Variants in ANKRD13D observed in about 807,000 individuals in gnomAD.
The protein encoded by ANKRD13D is ankyrin repeat domain 13D.
ANKRD13D carries 24 observed loss-of-function variants against 68.8 expected under a neutral mutation model. The observed-to-expected ratio is 0.35, with a 90% CI of 0.25 to 0.49. The LOEUF (loss-of-function observed/expected upper bound fraction) is 0.49, where lower values mean the gene tolerates loss of function less well. ANKRD13D is among the 20% of genes least tolerant of loss of function. The pLI, the probability that ANKRD13D is intolerant of heterozygous loss-of-function variation, is 0.99. For missense variants in ANKRD13D, 735 were observed against 832.1 expected (o/e 0.88, Z 1.44); for synonymous variants, 331 against 336.1 (o/e 0.98, Z 0.16).
In ANKRD13D at chr11:67,302,359, G is replaced by A. The variant is rs1444638146; in HGVS notation, c.*27G>A. 3.4e-6 allele frequency: 5 copies of A among 1,460,298 alleles called. No individual in the cohort carries two copies. The highest frequency in any genetic ancestry group is 2.7e-5 in the Admixed American group (1 of 37,024). The allele number at this position is 1,460,298 out of a possible 1,614,324, so 90.5% of individuals were successfully genotyped here. ...CCATAGCCCCGGGAGGGCTGGCCAG[G>A]CCACTCCCTGCCCGCTTTTGTAATT... On this transcript the variant is annotated 3_prime_UTR_variant, in exon 15 of 15. Coordinates refer to ENST00000511455, the MANE Select transcript of ANKRD13D (RefSeq NM_207354.3).
At position 67,299,387 on chromosome 11, in the gene ANKRD13D, G is replaced by A. The variant is rs1860885173; in HGVS notation, c.799-143G>A. 2.6e-6 allele frequency: 2 copies of A among 781,032 alleles called. No individual in the cohort carries two copies. Among genetic ancestry groups the A allele is most frequent in the Non-Finnish European group, 4.2e-6 (2 of 480,456 alleles). The allele number at this position is 781,032 out of a possible 1,614,324, so 48.4% of individuals were successfully genotyped here. A position where few individuals can be genotyped will look rare whatever the true frequency, so the allele number is the denominator to read the frequency against. On this transcript the variant is annotated intron_variant, in intron 7 of 14. Coordinates refer to ENST00000511455, the MANE Select transcript of ANKRD13D (RefSeq NM_207354.3). This position sits in a 1 kb window ranked among gnomAD's most constrained non-coding sequence, Gnocchi z 6.2. ...ATCTCCTCGTTGGTGACTTCCTGGG[G>A]TTCAGACCCTGCCACCTCCTCCATT...
chr11:67,298,731 T>C lies in ANKRD13D; in HGVS notation c.732-327T>C, dbSNP rs74475892. ...TTTTAAAAATGTTTCCTAGAGTGTG[T>C]CAAAGCTCATCCCAGATGTCCTAAT... On this transcript the variant is annotated intron_variant, in intron 6 of 14. Coordinates refer to ENST00000511455, the MANE Select transcript of ANKRD13D (RefSeq NM_207354.3). The C allele has an allele frequency of 2.7e-3, 880 of 328,178 alleles. 3 individuals are homozygous for C. The highest frequency in any genetic ancestry group is 0.017 in the African/African-American group (840 of 48,798). The allele number at this position is 328,178 out of a possible 1,614,324, so 20.3% of individuals were successfully genotyped here.
intron 6 of ANKRD13D, chr11:67,297,864 C>CA (rs1213065113): frequency 6.6e-6 from 1 of 151,864 alleles, no homozygotes; most frequent in African/African-American, 2.4e-5. Context: ...CTGTTTATCT[C>CA]AGAGTATTTT....
Position 67,300,791 on chromosome 11 carries a change from G to T in ANKRD13D, c.1074-199G>T. On this transcript the variant is annotated intron_variant, in intron 10 of 14. Transcript: ENST00000511455. The surrounding 1 kb of genome is among the most constrained non-coding windows in gnomAD (Gnocchi z 4.3). Reference sequence around the variant, plus strand: ...GAAATCCTCAGGAGCCCCAGCCTGGGCCCAGGGAGGAGGGCAGCTTGGGCC... The same window carrying T: ...GAAATCCTCAGGAGCCCCAGCCTGGTCCCAGGGAGGAGGGCAGCTTGGGCC... 1 of 635,098 alleles carries T rather than the reference G, an allele frequency of 1.6e-6. No individual in the cohort carries two copies. Among genetic ancestry groups the T allele is most frequent in the Non-Finnish European group, 2.7e-6 (1 of 372,422 alleles). The allele number at this position is 635,098 out of a possible 1,614,324, so 39.3% of individuals were successfully genotyped here. A position where few individuals can be genotyped will look rare whatever the true frequency, so the allele number is the denominator to read the frequency against.
In ANKRD13D at chr11:67,299,153, G is replaced by T. The variant is rs1565080880; in HGVS notation, c.798+29G>T. On this transcript the variant is annotated intron_variant, in intron 7 of 14. Coordinates refer to ENST00000511455, the MANE Select transcript of ANKRD13D (RefSeq NM_207354.3). The surrounding 1 kb of genome is among the most constrained non-coding windows in gnomAD (Gnocchi z 6.2). ...GGAGAGGCTAGGGGTGGGGGGCTGG[G>T]GGTAGGAGATGAGGTCCAGGAACTC... 6.3e-7 allele frequency: 1 copy of T among 1,583,554 alleles called. No individual in the cohort carries two copies. The highest frequency in any genetic ancestry group is 1.1e-5 in the South Asian group (1 of 90,474).
chr11:67,292,823 C>T (rs570728458), intron 6 of ANKRD13D, among the ~76,000 whole-genome samples: 2 of 152,206 alleles, frequency 1.3e-5, no homozygotes, highest in African/African-American at 4.8e-5. Flanking sequence ...CTTCTTATCC[C>T]CTCTCCCAGT....
At position 67,299,683 on chromosome 11, in the gene ANKRD13D, G is replaced by T; in HGVS notation, c.880+72G>T. The T allele has an allele frequency of 1.3e-6, 2 of 1,534,900 alleles. No individual in the cohort carries two copies. The highest frequency in any genetic ancestry group is 1.8e-6 in the Non-Finnish European group (2 of 1,135,158). On this transcript the variant is annotated intron_variant, in intron 8 of 14. Coordinates refer to ENST00000511455, the MANE Select transcript of ANKRD13D (RefSeq NM_207354.3). The surrounding 1 kb of genome is among the most constrained non-coding windows in gnomAD (Gnocchi z 6.2). ...GGGTCACCCTGGCCTGGGATTAGGG[G>T]CCAGAGTTTCCCAGGATGAGCTGGG...
At chr11:67,290,488 G>C in intron 3 of ANKRD13D, 42 bp downstream of exon 3, 1 of 1,529,608 alleles carries the variant, frequency 6.5e-7, no homozygotes, top group Non-Finnish European at 8.8e-7. Context: ...ACCATGGCAG[G>C]GCACCACCCT....
chr11:67,290,183 G>C lies in ANKRD13D; in HGVS notation c.196G>C (p.Val66Leu), dbSNP rs954271794. The change falls in exon 2 of 15, where the codon GTG (valine) becomes CTG (leucine). Residue 66 changes from valine to leucine, a missense_variant. Val to Leu is a conservative substitution (Grantham distance 32, BLOSUM62 1). Coordinates refer to ENST00000511455, the MANE Select transcript of ANKRD13D (RefSeq NM_207354.3). ...AGTGCTCCTTCGACACAATGCCAAC[G>C]TGGGCAAAGAGAACCGCCAGGGCTG... ...VRVLLRHNAN[V>L]GKENRQGWAV... is the part of the protein sequence containing the mutation. 2.6e-6 allele frequency: 4 copies of C among 1,537,712 alleles called. No individual in the cohort carries two copies. The highest frequency in any genetic ancestry group is 3.3e-4 in the Middle Eastern group (2 of 5,992).
intron 1 of ANKRD13D, 66 bp downstream of exon 1, chr11:67,289,616 C>A: frequency 7.8e-7 from 1 of 1,286,920 alleles, no homozygotes; most frequent in South Asian, 1.4e-5. Context: ...GGCCTCCGTC[C>A]TGGAGCCCCC....
At position 67,302,453 on chromosome 11, in the gene ANKRD13D, A is replaced by G; in HGVS notation, c.*121A>G. Reference sequence around the variant, plus strand: ...CCCCAGGAATGAGCAGGCAGGGGAGACTGAGATGGAAATAAAGAGACTGTC... The same window carrying G: ...CCCCAGGAATGAGCAGGCAGGGGAGGCTGAGATGGAAATAAAGAGACTGTC... On this transcript the variant is annotated 3_prime_UTR_variant, in exon 15 of 15. Coordinates refer to ENST00000511455, the MANE Select transcript of ANKRD13D (RefSeq NM_207354.3). The G allele has an allele frequency of 1.5e-6, 2 of 1,358,752 alleles. No individual in the cohort carries two copies. The highest frequency in any genetic ancestry group is 2.6e-5 in the East Asian group (1 of 38,902). The allele number at this position is 1,358,752 out of a possible 1,614,324, so 84.2% of individuals were successfully genotyped here. A position where few individuals can be genotyped will look rare whatever the true frequency, so the allele number is the denominator to read the frequency against.
chr11:67,289,323 T>TGCCGCCGCC lies in ANKRD13D; in HGVS notation c.-123_-115dup, dbSNP rs549149064. ...GCCCCGCCCTCCCTGCCGCCCGCGC[T>TGCCGCCGCC]GCCGCCGCCGCCGCCGCCGCCGCTA... On this transcript the variant is annotated 5_prime_UTR_variant, in exon 1 of 15. Coordinates refer to ENST00000511455, the MANE Select transcript of ANKRD13D (RefSeq NM_207354.3). 249 of 378,180 alleles carry TGCCGCCGCC rather than the reference T, an allele frequency of 6.6e-4. No individual in the cohort carries two copies. Among genetic ancestry groups the TGCCGCCGCC allele is most frequent in the African/African-American group, 4.7e-3 (212 of 44,640 alleles). 23.4% of individuals were successfully genotyped at this position (378,180 alleles called of 1,614,324 possible).
Position 67,300,423 on chromosome 11 carries a change from A to G in ANKRD13D, c.1073+300A>G, listed in dbSNP as rs1860934278. 2.5e-6 allele frequency: 1 copy of G among 401,336 alleles called. No individual in the cohort carries two copies. Among genetic ancestry groups the G allele is most frequent in the Non-Finnish European group, 4.6e-6 (1 of 219,008 alleles). The allele number at this position is 401,336 out of a possible 1,614,324, so 24.9% of individuals were successfully genotyped here. A position where few individuals can be genotyped will look rare whatever the true frequency, so the allele number is the denominator to read the frequency against. On this transcript the variant is annotated intron_variant, in intron 10 of 14. Coordinates refer to ENST00000511455, the MANE Select transcript of ANKRD13D (RefSeq NM_207354.3). This position sits in a 1 kb window ranked among gnomAD's most constrained non-coding sequence, Gnocchi z 4.3. ...GGCACAGTGGGAAGGGCCCCCAGCG[A>G]CGTGGCCTGGGAGTGGAGCGTCTGC...
Position 67,301,787 on chromosome 11 carries a change from A to G in ANKRD13D, c.1568A>G (p.Gln523Arg), listed in dbSNP as rs1195515619. The G allele has an allele frequency of 6.2e-7, 1 of 1,608,234 alleles. No homozygotes were observed. The highest frequency in any genetic ancestry group is 8.5e-7 in the Non-Finnish European group (1 of 1,178,132). The change falls in exon 14 of 15, where the codon CAG becomes CGG. Residue 523 changes from glutamine (Q) to arginine (R), a missense_variant. Transcript: ENST00000511455. This position sits in a 1 kb window ranked among gnomAD's most constrained non-coding sequence, Gnocchi z 4.5. Reference sequence around the variant, plus strand: ...CGGCCCGGTGCCCGCCCTCCTCCCCAGGCCACGGTTTATGAGGAACAGCTT... The same window carrying G: ...CGGCCCGGTGCCCGCCCTCCTCCCCGGGCCACGGTTTATGAGGAACAGCTT... ...NTRPGARPPP[Q>R]ATVYEEQLQL...
At chr11:67,294,614 C>G (rs959938232) in intron 6 of ANKRD13D, among the ~76,000 whole-genome samples, 15 of 151,528 alleles carry the variant, frequency 9.9e-5, no homozygotes, top group Admixed American at 9.9e-4. Flanking sequence ...AATCTAGGCT[C>G]ACTGCAACCT....
Position 67,300,770 on chromosome 11 carries a change from T to A in ANKRD13D, c.1074-220T>A. On this transcript the variant is annotated intron_variant, in intron 10 of 14. Transcript: ENST00000511455. This position sits in a 1 kb window ranked among gnomAD's most constrained non-coding sequence, Gnocchi z 4.3. ...CCAGACCAGATGAGCTGGTACGAAA[T>A]CCTCAGGAGCCCCAGCCTGGGCCCA... 1.7e-6 allele frequency: 1 copy of A among 598,828 alleles called. No homozygotes were observed. The highest frequency in any genetic ancestry group is 2.9e-6 in the Non-Finnish European group (1 of 342,680). 37.1% of individuals were successfully genotyped at this position (598,828 alleles called of 1,614,324 possible).
Position 67,292,433 on chromosome 11 carries a change from T to C in ANKRD13D, c.731+253T>C, listed in dbSNP as rs192769717. Reference sequence around the variant, plus strand: ...CAGTTTCTTGACTTCTGACCTCATATGTTTTCCCATTAAGACAAAGATTTA... The same window carrying C: ...CAGTTTCTTGACTTCTGACCTCATACGTTTTCCCATTAAGACAAAGATTTA... On this transcript the variant is annotated intron_variant, in intron 6 of 14. Transcript: ENST00000511455. Among the ~76,000 whole-genome samples, 9 of 152,264 alleles carry C rather than the reference T, an allele frequency of 5.9e-5. No individual in the cohort carries two copies. In the East Asian group the frequency reaches 1.7e-3, roughly 29 times the overall value.
rs370874560 is a variant in ANKRD13D at position 67,291,654 on chromosome 11, G to A, written c.449G>A (p.Arg150Gln). 1.3e-5 allele frequency: 21 copies of A among 1,613,978 alleles called. No homozygotes were observed. Among genetic ancestry groups the A allele is most frequent in the African/African-American group, 5.3e-5 (4 of 74,922 alleles). Reference protein sequence around the residue: ...CPSDVYRVWKRGESLRVDTSL... With the variant: ...CPSDVYRVWKQGESLRVDTSL... The stretch of plus-strand genomic sequence containing the variant: ...AGCGATGTGTACCGCGTGTGGAAGC[G>A]GGGTGAGAGCCTGCGAGTAGACACC... Residue 150 changes from arginine to glutamine, a missense_variant, in exon 5 of 15, where the codon CGG becomes CAG. Transcript: ENST00000511455.
rs142470779 is a variant in ANKRD13D, at chr11:67,300,354, A to G, written c.1073+231A>G. ...GATGAATGGATGGTGCCACCCATGTATGGTTTTCTATTGAATTTCATGAGT... is the reference window on the plus strand; with the variant it reads ...GATGAATGGATGGTGCCACCCATGTGTGGTTTTCTATTGAATTTCATGAGT... On this transcript the variant is annotated intron_variant, in intron 10 of 14. Transcript: ENST00000511455. This position sits in a 1 kb window ranked among gnomAD's most constrained non-coding sequence, Gnocchi z 4.3. 2 of 558,834 alleles carry G rather than the reference A, an allele frequency of 3.6e-6. No individual in the cohort carries two copies. Among genetic ancestry groups the G allele is most frequent in the Admixed American group, 3.4e-5 (1 of 29,758 alleles). The allele number at this position is 558,834 out of a possible 1,614,324, so 34.6% of individuals were successfully genotyped here.
Sources: allele counts gnomAD v4.1 joint callset (sites outside exome capture counted in the v4.1 genomes callset), GRCh38; gene constraint gnomAD v4.1.1; non-coding constraint Gnocchi (gnomAD v3.1); transcripts MANE v1.5; gene names NCBI Gene and HGNC (gene_info 2026-07-23, HGNC 2026-07-21).